Variants in ELFN2 observed in about 807,000 individuals in gnomAD.
ELFN2 encodes the protein protein phosphatase 1 regulatory subunit 29.
In ELFN2, 17 loss-of-function variants were observed where a neutral mutation model predicts 45.5. The ratio of observed to expected loss-of-function variants is 0.37; its 90% CI spans 0.26 to 0.56. The LOEUF (loss-of-function observed/expected upper bound fraction) is 0.56. ELFN2 is among the 20% of genes least tolerant of loss of function. The probability of loss-of-function intolerance (pLI) is 0.77; values close to 1 mark genes in which losing one functional copy is unlikely to be tolerated. For synonymous variants in ELFN2, 550 were observed against 551.5 expected (o/e 1.00, Z 0.04); for missense variants, 922 against 1,183.2 (o/e 0.78, Z 3.24).
intron 1 of ELFN2, among the ~76,000 whole-genome samples, chr22:37,342,860 C>G (rs934899849): frequency 6.6e-6 from 1 of 152,086 alleles, no homozygotes; most frequent in Non-Finnish European, 1.5e-5. Context: ...TACCCAGGGC[C>G]AGGCCCAGAC....
At chr22:37,341,446 C>T (rs903850792) in intron 2 of ELFN2, among the ~76,000 whole-genome samples, 3 of 151,794 alleles carry the variant, frequency 2.0e-5, no homozygotes, top group African/African-American at 4.8e-5. Flanking sequence ...TGTGCTCACC[C>T]GCCTGGGTCT....
In ELFN2 at chr22:37,370,340, C is replaced by CTCAAA. The variant is rs2145630484; in HGVS notation, c.*2727_*2731dup. ...GCTCCTTCTTCCCACGGGTTCCTTT[C>CTCAAA]TCAAAGCCCCCACCCTCTCCCTGAA... On this transcript the variant is annotated 3_prime_UTR_variant, in exon 3 of 3. Transcript: ENST00000402918. The CTCAAA allele has an allele frequency of 6.6e-6, 1 of 152,160 alleles. No individual in the cohort carries two copies. Among genetic ancestry groups the CTCAAA allele is most frequent in the Non-Finnish European group, 1.5e-5 (1 of 68,060 alleles). The allele number at this position is 152,160 out of a possible 1,614,324, so 9.4% of individuals were successfully genotyped here.
chr22:37,370,161 C>T lies in ELFN2; in HGVS notation c.*2911G>A, dbSNP rs997023972. On this transcript the variant is annotated 3_prime_UTR_variant, in exon 3 of 3. Transcript: ENST00000402918. ...TTCAAGGCCAGTTCCCCTCCTGGAT[C>T]ATCAGAGTCCTGCTCTTTGGAAGGG... 1 of 152,208 alleles carries T rather than the reference C, an allele frequency of 6.6e-6. No individual in the cohort carries two copies. The highest frequency in any genetic ancestry group is 1.5e-5 in the Non-Finnish European group (1 of 68,040). The allele number at this position is 152,208 out of a possible 1,614,324, so 9.4% of individuals were successfully genotyped here.
chr22:37,393,266 C>T (rs570010564), intron 2 of ELFN2, among the ~76,000 whole-genome samples: 7 of 152,246 alleles, frequency 4.6e-5, no homozygotes, highest in East Asian at 3.9e-4. Flanking sequence ...CTTGGACTCA[C>T]GTAATCCCTC....
intron 2 of ELFN2, among the ~76,000 whole-genome samples, chr22:37,401,978 A>C (rs999122670): frequency 2.0e-5 from 3 of 152,140 alleles, no homozygotes; most frequent in African/African-American, 2.4e-5. Context: ...TGAAGGAAGA[A>C]GCCCCAGATA....
chr22:37,415,743 A>G (rs1932753615), intron 2 of ELFN2, among the ~76,000 whole-genome samples: 1 of 152,140 alleles, frequency 6.6e-6, no homozygotes, highest in Non-Finnish European at 1.5e-5. Context: ...CGGGTGGATC[A>G]CAAGGTCAGG....
chr22:37,375,821 G>A lies in ELFN2; in HGVS notation c.-287C>T, dbSNP rs1931564183. ...GCTAGGAAGGTGCAAGGGTTCTCAG[G>A]GCTTGACTTCCTCTCCCTCCTCCTC... On this transcript the variant is annotated 5_prime_UTR_variant, in exon 3 of 3. Coordinates refer to ENST00000402918, the MANE Select transcript of ELFN2 (RefSeq NM_052906.5). The A allele has an allele frequency of 4.2e-6, 2 of 474,990 alleles. No homozygotes were observed. The highest frequency in any genetic ancestry group is 7.6e-6 in the Non-Finnish European group (2 of 262,958). The allele number at this position is 474,990 out of a possible 1,614,324, so 29.4% of individuals were successfully genotyped here. A position where few individuals can be genotyped will look rare whatever the true frequency, so the allele number is the denominator to read the frequency against.
intron 1 of ELFN2, among the ~76,000 whole-genome samples, chr22:37,422,637 A>G (rs1355915063): frequency 1.3e-5 from 2 of 152,058 alleles, no homozygotes; most frequent in African/African-American, 4.8e-5. Flanking sequence ...TCTGTCACCC[A>G]GGCTGGAGTG....
intron 1 of ELFN2, chr22:37,354,277 T>C (rs1163085433): frequency 1.3e-5 from 2 of 152,234 alleles, no homozygotes; most frequent in Non-Finnish European, 2.9e-5. Context: ...GGCCATGTTC[T>C]TCATCTTCAT....
chr22:37,374,957 A>G lies in ELFN2; in HGVS notation c.578T>C (p.Leu193Pro). 1 of 1,613,164 alleles carries G rather than the reference A, an allele frequency of 6.2e-7. No homozygotes were observed. Among genetic ancestry groups the G allele is most frequent in the Non-Finnish European group, 8.5e-7 (1 of 1,179,970 alleles). ...AGNPFNCECD[L>P]FGFLAWLVVF... ...CACCAGCCAGGCCAGGAAGCCGAAGAGGTCGCACTCACAGTTGAAGGGGTT... is the reference window on the plus strand; with the variant it reads ...CACCAGCCAGGCCAGGAAGCCGAAGGGGTCGCACTCACAGTTGAAGGGGTT... Residue 193 changes from leucine to proline, a missense_variant, in exon 3 of 3, where the codon CTC (leucine) becomes CCC (proline). Coordinates refer to ENST00000402918, the MANE Select transcript of ELFN2 (RefSeq NM_052906.5).
downstream of ELFN2, among the ~76,000 whole-genome samples, chr22:37,367,634 G>C (rs781058258): frequency 3.0e-4 from 45 of 152,228 alleles, no homozygotes; most frequent in Non-Finnish European, 5.7e-4. Context: ...GGGTGTGGGA[G>C]GCCAGGGCAG....
Position 37,417,171 on chromosome 22 carries a change from C to A in ELFN2, c.-463+598G>T, listed in dbSNP as rs541625283. ...GGGCAGCCACCAGCCCCAGCCAGGA[C>A]GGAGCAGCTCCTTCTGCCTGCCTGT... On this transcript the variant is annotated intron_variant, in intron 2 of 2. Transcript: ENST00000402918. The surrounding 1 kb of genome is among the most constrained non-coding windows in gnomAD (Gnocchi z 4.5). Among the ~76,000 whole-genome samples, 1 of 152,100 alleles carries A rather than the reference C, an allele frequency of 6.6e-6. No homozygotes were observed. The highest frequency in any genetic ancestry group is 6.5e-5 in the Admixed American group (1 of 15,270).
At chr22:37,358,291 G>A (rs547678885) in intron 1 of ELFN2, among the ~76,000 whole-genome samples, 154 of 152,348 alleles carry the variant, frequency 1.0e-3, no homozygotes, top group African/African-American at 3.5e-3. Flanking sequence ...GTTCCGTGTT[G>A]ATGGTTACAT....
chr22:37,386,710 G>A (rs1931956803), intron 2 of ELFN2, among the ~76,000 whole-genome samples: 2 of 152,166 alleles, frequency 1.3e-5, no homozygotes, highest in African/African-American at 4.8e-5. Context: ...CCCGGGGAGG[G>A]CCGCCGGCTG....
intron 1 of ELFN2, among the ~76,000 whole-genome samples, chr22:37,347,943 G>T (rs562402857): frequency 6.6e-6 from 1 of 152,196 alleles, no homozygotes; most frequent in Non-Finnish European, 1.5e-5. Flanking sequence ...GGGCTGGGGA[G>T]CTCGCGCCCA....
At chr22:37,346,696 A>G (rs1317250439) in intron 1 of ELFN2, among the ~76,000 whole-genome samples, 1 of 152,152 alleles carries the variant, frequency 6.6e-6, no homozygotes, top group African/African-American at 2.4e-5. Context: ...ACAGCAGAAA[A>G]CAGGTGCACA....
intron 1 of ELFN2, among the ~76,000 whole-genome samples, chr22:37,360,029 C>T (rs1241128423): frequency 6.6e-6 from 1 of 152,168 alleles, no homozygotes; most frequent in South Asian, 2.1e-4. Flanking sequence ...GCAGTAACTT[C>T]CGGGTATTGC....
chr22:37,426,178 C>T (rs133721), intron 1 of ELFN2, among the ~76,000 whole-genome samples: 89,666 of 151,968 alleles, frequency 0.59, 26,875 homozygotes, highest in African/African-American at 0.68. Context: ...GGAAGGGGCA[C>T]AGCACAGAGC....
intron 1 of ELFN2, among the ~76,000 whole-genome samples, chr22:37,418,457 C>T (rs1932782657): frequency 6.6e-6 from 1 of 152,080 alleles, no homozygotes; most frequent in Non-Finnish European, 1.5e-5. Context: ...CACTCCCACC[C>T]CTTCACCTTG....
Sources: gnomAD v4.1 joint callset for allele counts (sites outside exome capture counted in the v4.1 genomes callset) on GRCh38, gnomAD v4.1.1 for gene constraint, Gnocchi (gnomAD v3.1) non-coding constraint, MANE v1.5 for transcripts, NCBI Gene and HGNC (gene_info 2026-07-23, HGNC 2026-07-21) for gene names.